The following COL17A1 variants were observed in gnomAD, a reference collection of about 807,000 sequenced individuals.
COL17A1 encodes collagen type XVII alpha 1 chain.
A neutral mutation model predicts 218.4 loss-of-function variants in COL17A1; 181 were observed. That is an observed-to-expected ratio of 0.83 (90% CI 0.73 to 0.94). The LOEUF is 0.94. COL17A1 is among the 40% of genes least tolerant of loss of function. COL17A1 has a pLI of 0.00. For missense variants in COL17A1, 1,924 were observed against 1,945.9 expected, an observed-to-expected ratio of 0.99 and a Z score of 0.21; for synonymous variants, 721 against 731.0, an observed-to-expected ratio of 0.99 and a Z score of 0.22.
chr10:104,053,898 T>C, intron 22 of COL17A1, 22 bp downstream of exon 22: 1 of 1,412,212 alleles, frequency 7.1e-7, no homozygotes, highest in Non-Finnish European at 1.0e-6. Context: ...AATAAATGAA[T>C]AAAGAAAAAT....
chr10:104,061,039 G>A (rs1314622044), intron 13 of COL17A1, among the ~76,000 whole-genome samples: 5 of 152,204 alleles, frequency 3.3e-5, no homozygotes, highest in Admixed American at 3.3e-4. Context: ...AGATTTTGTA[G>A]AAAGCAGGGA....
intron 33 of COL17A1, 111 bp from the exon 34 acceptor site, chr10:104,043,971 AC>A: frequency 8.5e-7 from 1 of 1,171,216 alleles, no homozygotes; most frequent in Non-Finnish European, 1.3e-6. Flanking sequence ...TGGGCCTCTC[AC>A]CATCAGGCTA....
intron 10 of COL17A1, 61 bp from the exon 11 acceptor site, chr10:104,063,879 T>G: frequency 6.2e-7 from 1 of 1,608,344 alleles, no homozygotes; most frequent in Non-Finnish European, 8.5e-7. Context: ...GGATAGAGAT[T>G]TGGATACCAC....
Position 104,031,958 on chromosome 10 carries a change from A to G in COL17A1, c.*277T>C. The G allele has an allele frequency of 3.8e-6, 2 of 527,724 alleles. No individual in the cohort carries two copies. The highest frequency in any genetic ancestry group is 4.7e-5 in the South Asian group (2 of 42,564). The allele number at this position is 527,724 out of a possible 1,614,324, so 32.7% of individuals were successfully genotyped here. On this transcript the variant is annotated 3_prime_UTR_variant, in exon 56 of 56. Coordinates refer to ENST00000648076, the MANE Select transcript of COL17A1 (RefSeq NM_000494.4). ...GGGGCTTGAACTAAGTAAAGAAGCC[A>G]AGGAGTTCAGATCTAGATAGCAGAG...
At chr10:104,057,512 G>A (rs1280510619) in intron 16 of COL17A1, among the ~76,000 whole-genome samples, 1 of 150,326 alleles carries the variant, frequency 6.7e-6, no homozygotes, top group African/African-American at 2.4e-5. Context: ...AGAGGAGTTA[G>A]CAGCACAGCA....
At chr10:104,063,299 G>A (rs2086598675) in intron 11 of COL17A1, among the ~76,000 whole-genome samples, 2 of 152,260 alleles carry the variant, frequency 1.3e-5, no homozygotes, top group South Asian at 4.1e-4. Context: ...TGGAAGATAA[G>A]CAGTAACATT....
At chr10:104,076,278 T>G (rs374253150) in intron 5 of COL17A1, 23 bp downstream of exon 5, 2 of 1,613,678 alleles carry the variant, frequency 1.2e-6, no homozygotes. Flanking sequence ...ATGGTTCTCT[T>G]GTATGGTTAG....
chr10:104,034,615 A>G lies in COL17A1; in HGVS notation c.3766+6T>C, dbSNP rs1207640234. The G allele has an allele frequency of 6.2e-6, 10 of 1,609,016 alleles. No homozygotes were observed. Among genetic ancestry groups the G allele is most frequent in the Non-Finnish European group, 8.5e-6 (10 of 1,177,786 alleles). On this transcript the variant is annotated splice_donor_region_variant and intron_variant, in intron 51 of 55. Coordinates refer to ENST00000648076, the MANE Select transcript of COL17A1 (RefSeq NM_000494.4). ...CCTGGTGGGGCATCACCGTCGGGGC[A>G]CCTACTTGTGAGGTAGCTGATCAGC...
rs372343199 is a variant in COL17A1, at chr10:104,060,159, G to T, written c.1101C>A (p.Ser367Arg). The T allele has an allele frequency of 2.5e-5, 41 of 1,614,048 alleles. No homozygotes were observed. Among genetic ancestry groups the T allele is most frequent in the Admixed American group, 1.3e-4 (8 of 60,006 alleles). Residue 367 changes from serine to arginine, a missense_variant, in exon 14 of 56, where the codon AGC becomes AGA. Transcript: ENST00000648076. ...CAGGGGAGGCTGTAAAGACCTTCCC[G>T]CTGTCCTTGGTCATGATGAGCAGCT... Reference protein sequence around the residue: ...EMELLIMTKDSGKVFTASPAS... With the variant: ...EMELLIMTKDRGKVFTASPAS...
At chr10:104,052,897 C>T in intron 23 of COL17A1, 134 bp downstream of exon 23, 1 of 1,137,766 alleles carries the variant, frequency 8.8e-7, no homozygotes, top group Non-Finnish European at 1.3e-6. Context: ...AGCACAGACC[C>T]TGACTCAGGG....
chr10:104,050,989 G>A, intron 25 of COL17A1, 88 bp from the exon 26 acceptor site: 1 of 1,593,018 alleles, frequency 6.3e-7, no homozygotes, highest in Non-Finnish European at 8.6e-7. Context: ...CACACATACA[G>A]GCACACATAT....
chr10:104,047,928 G>C (rs747956685), intron 30 of COL17A1, 118 bp from the exon 31 acceptor site: 1 of 1,373,504 alleles, frequency 7.3e-7, no homozygotes, highest in Non-Finnish European at 1.0e-6. Flanking sequence ...AGGTGGAAAG[G>C]AGAAGGGGAA....
chr10:104,085,689 A>C (rs2086799960), intron 1 of COL17A1, 34 bp downstream of exon 1: 1 of 152,636 alleles, frequency 6.6e-6, no homozygotes, highest in Non-Finnish European at 1.5e-5. Flanking sequence ...AGTCTCAGAG[A>C]AAAGGAGAAA....
At chr10:104,057,208 G>A (rs779475014) in intron 16 of COL17A1, 36 bp from the exon 17 acceptor site, 3 of 1,613,782 alleles carry the variant, frequency 1.9e-6, no homozygotes, top group East Asian at 2.2e-5. Flanking sequence ...GCAAATGCAG[G>A]CAGCTCCTGC....
rs112697100 is a variant in COL17A1, at chr10:104,034,862, AG to A, written c.3620-96del. 2,774 of 1,516,798 alleles carry A rather than the reference AG, an allele frequency of 1.8e-3. 36 individuals carry two copies. The African/African-American group carries it at 0.03, about 16-fold the overall frequency. 94.0% of individuals were successfully genotyped at this position (1,516,798 alleles called of 1,614,324 possible). A position where few individuals can be genotyped will look rare whatever the true frequency, so the allele number is the denominator to read the frequency against. ...CGGGGCGCTGTGGGCCCCACCTGAA[AG>A]GAGGGGATGAGGCTGGGCCTCCCGG... On this transcript the variant is annotated intron_variant, in intron 50 of 55. Coordinates refer to ENST00000648076, the MANE Select transcript of COL17A1 (RefSeq NM_000494.4).
intron 18 of COL17A1, 137 bp downstream of exon 18, chr10:104,055,645 T>G: frequency 7.8e-7 from 1 of 1,275,614 alleles, no homozygotes; most frequent in Non-Finnish European, 1.1e-6. Context: ...CTCTCAGCGC[T>G]ATTGAGAGGA....
chr10:104,052,910 G>C, intron 23 of COL17A1, 121 bp downstream of exon 23: 1 of 1,209,274 alleles, frequency 8.3e-7, no homozygotes, highest in Admixed American at 1.7e-5. Context: ...ACTCAGGGTG[G>C]GTGCTCAGTA....
rs749116147 is a variant in COL17A1 at position 104,034,185 on chromosome 10, A to G, written c.3916T>C (p.Ser1306Pro). ...CCTGTGCTCATGGAAGAGCTGTAGGAGCTGCCCCGCCTGACAGATGAGCTG... is the reference window on the plus strand; with the variant it reads ...CCTGTGCTCATGGAAGAGCTGTAGGGGCTGCCCCGCCTGACAGATGAGCTG... Reference protein sequence around the residue: ...SHSSSVRRGSSYSSSMSTGGG... With the variant: ...SHSSSVRRGSPYSSSMSTGGG... Residue 1306 changes from serine to proline, a missense_variant, in exon 52 of 56, where the codon TCC (serine) becomes CCC (proline). Physicochemically the swap from Ser to Pro is moderately conservative, Grantham distance 74. Transcript: ENST00000648076. 1.2e-5 allele frequency: 20 copies of G among 1,613,464 alleles called. No homozygotes were observed. The highest frequency in any genetic ancestry group is 1.7e-5 in the Non-Finnish European group (20 of 1,179,962).
At chr10:104,063,221 A>G (rs1173533323) in intron 11 of COL17A1, among the ~76,000 whole-genome samples, 2 of 152,254 alleles carry the variant, frequency 1.3e-5, no homozygotes, top group African/African-American at 2.4e-5. Context: ...ATTTACATAT[A>G]GGCTCTTAAG....
Sources: gnomAD v4.1 joint callset for allele counts (sites outside exome capture counted in the v4.1 genomes callset) on GRCh38, gnomAD v4.1.1 for gene constraint, MANE v1.5 for transcripts, NCBI Gene and HGNC (gene_info 2026-07-23, HGNC 2026-07-21) for gene names.